Variants in SOX6 observed in about 807,000 individuals in gnomAD.
The protein encoded by SOX6 is transcription factor SOX-6.
In SOX6, 11 loss-of-function variants were observed where a neutral mutation model predicts 97.8. The observed-to-expected ratio is 0.11, with a 90% CI of 0.07 to 0.19. SOX6 has a LOEUF of 0.19. Among genes scored for constraint, SOX6 ranks in the 10% least tolerant of loss-of-function variants. The pLI, the probability that SOX6 is intolerant of heterozygous loss-of-function variation, is 1.00. For synonymous variants in SOX6, 360 were observed against 371.4 expected (o/e 0.97, Z 0.35); for missense variants, 810 against 1,039.5 (o/e 0.78, Z 3.04).
chr11:16,692,471 C>G (rs1848023363), intron 3 of SOX6, among the ~76,000 whole-genome samples: 2 of 152,174 alleles, frequency 1.3e-5, no homozygotes, highest in South Asian at 4.1e-4. Flanking sequence ...GAAGCTCTTC[C>G]TTTCTGCCTT....
At chr11:16,044,119 TC>T (rs1307115899) in intron 12 of SOX6, among the ~76,000 whole-genome samples, 116 of 152,112 alleles carry the variant, frequency 7.6e-4, no homozygotes, top group Non-Finnish European at 1.3e-4. Flanking sequence ...TTTTGTCTTC[TC>T]CCTTCCCTTA....
chr11:16,016,539 T>C (rs1332063930), intron 12 of SOX6, among the ~76,000 whole-genome samples: 6 of 152,006 alleles, frequency 3.9e-5, no homozygotes, highest in Non-Finnish European at 5.9e-5. Context: ...TATCTTCCTA[T>C]GTGAAAATAC....
intron 1 of SOX6, among the ~76,000 whole-genome samples, chr11:16,470,137 A>C (rs1037314708): frequency 3.9e-5 from 6 of 152,120 alleles, no homozygotes; most frequent in African/African-American, 1.4e-4. Flanking sequence ...AAAACTGAGA[A>C]GGCACAATTT....
chr11:16,351,946 G>C (rs559393803), intron 1 of SOX6, among the ~76,000 whole-genome samples: 2 of 151,886 alleles, frequency 1.3e-5, no homozygotes, highest in African/African-American at 4.8e-5. Context: ...ACAATACCTA[G>C]AACAATGTTT....
chr11:16,143,644 G>A (rs971081341), intron 6 of SOX6, among the ~76,000 whole-genome samples: 3 of 152,104 alleles, frequency 2.0e-5, no homozygotes, highest in East Asian at 1.9e-4. Context: ...TCAAAATAAA[G>A]GGATGGAGGA....
At chr11:16,107,552 T>C (rs1564958504) in intron 7 of SOX6, among the ~76,000 whole-genome samples, 1 of 151,432 alleles carries the variant, frequency 6.6e-6, no homozygotes, top group Non-Finnish European at 1.5e-5. Context: ...ATAAATATTG[T>C]ATTATTCCAA....
chr11:16,173,360 T>G (rs930746980), intron 6 of SOX6, among the ~76,000 whole-genome samples: 11 of 151,752 alleles, frequency 7.2e-5, no homozygotes, highest in African/African-American at 2.4e-4. Context: ...TTCAGACCAT[T>G]GTTGATTCCA....
intron 1 of SOX6, among the ~76,000 whole-genome samples, chr11:16,395,398 C>T (rs189993177): frequency 6.6e-6 from 1 of 151,818 alleles, no homozygotes; most frequent in South Asian, 2.1e-4. Flanking sequence ...AAACAGGGAC[C>T]TGAAGAATGA....
intron 1 of SOX6, among the ~76,000 whole-genome samples, chr11:16,364,047 A>C (rs899456295): frequency 2.0e-5 from 3 of 152,160 alleles, no homozygotes; most frequent in African/African-American, 7.2e-5. Flanking sequence ...ACGAACATGC[A>C]GAAAGTATAT....
chr11:16,371,635 C>A (rs1857496933), intron 1 of SOX6, among the ~76,000 whole-genome samples: 1 of 151,910 alleles, frequency 6.6e-6, no homozygotes, highest in African/African-American at 2.4e-5. Flanking sequence ...CTCCAAAGCG[C>A]CAAAGAATAA....
chr11:16,174,435 C>T (rs139703744), intron 6 of SOX6, among the ~76,000 whole-genome samples: 1,545 of 151,936 alleles, frequency 0.01, 12 homozygotes, highest in Non-Finnish European at 0.016. Flanking sequence ...CTTTTTGCAT[C>T]ATTTATTTGC....
intron 1 of SOX6, among the ~76,000 whole-genome samples, chr11:16,350,262 A>C (rs1032180429): frequency 1.3e-5 from 2 of 152,210 alleles, no homozygotes; most frequent in African/African-American, 4.8e-5. Context: ...TGAGATGAAG[A>C]CATTGGTTGA....
intron 3 of SOX6, among the ~76,000 whole-genome samples, chr11:16,695,275 A>G (rs1212586530): frequency 6.6e-6 from 1 of 152,248 alleles, no homozygotes; most frequent in Non-Finnish European, 1.5e-5. Flanking sequence ...TCTGCATTTT[A>G]TACTTAGCAA....
intron 4 of SOX6, among the ~76,000 whole-genome samples, chr11:16,564,943 A>G (rs1264648732): frequency 6.6e-6 from 1 of 151,978 alleles, no homozygotes; most frequent in Non-Finnish European, 1.5e-5. Context: ...AGCAAGCAGA[A>G]GGAAGAAAAT....
At chr11:16,275,347 G>C (rs1241373873) in intron 3 of SOX6, among the ~76,000 whole-genome samples, 1 of 151,796 alleles carries the variant, frequency 6.6e-6, no homozygotes, top group African/African-American at 2.4e-5. Context: ...CCAGCTACTG[G>C]GGAGGCTGAG....
At chr11:16,106,689 A>C (rs960817465) in intron 7 of SOX6, among the ~76,000 whole-genome samples, 14 of 152,090 alleles carry the variant, frequency 9.2e-5, no homozygotes, top group Non-Finnish European at 1.5e-5. Context: ...TTTGGCAATG[A>C]TTTCATTGAT....
rs546426968 is a variant in SOX6 at position 16,700,637 on chromosome 11, T to C, written n.429+14193A>G. Among the ~76,000 whole-genome samples the C allele has an allele frequency of 5.9e-5, 9 of 152,286 alleles. No individual in the cohort carries two copies. The South Asian group carries it at 1.9e-3, about 32-fold the overall frequency. On this transcript the variant is annotated intron_variant and non_coding_transcript_variant, in intron 3 of 5. Transcript: ENST00000524520. Reference sequence around the variant, plus strand: ...AAAGAAAAGAAAGTCAGAGTATTTCTTCTCCACTCCCACTCTACTTTAGGG... The same window carrying C: ...AAAGAAAAGAAAGTCAGAGTATTTCCTCTCCACTCCCACTCTACTTTAGGG...
At chr11:16,210,765 G>A (rs1348862592) in intron 4 of SOX6, among the ~76,000 whole-genome samples, 2 of 152,120 alleles carry the variant, frequency 1.3e-5, no homozygotes, top group Non-Finnish European at 2.9e-5. Flanking sequence ...TAATTTACCT[G>A]GGTCAGGCAG....
chr11:16,016,253 A>G (rs1202115686), intron 12 of SOX6, among the ~76,000 whole-genome samples: 1 of 152,082 alleles, frequency 6.6e-6, no homozygotes, highest in Non-Finnish European at 1.5e-5. Flanking sequence ...TTATATTTCT[A>G]TAATTAATTC....
Sources: gnomAD v4.1 joint callset for allele counts (sites outside exome capture counted in the v4.1 genomes callset) on GRCh38, gnomAD v4.1.1 for gene constraint, MANE v1.5 for transcripts, NCBI Gene and HGNC (gene_info 2026-07-23, HGNC 2026-07-21) for gene names.